Variants in STK39 observed in about 807,000 individuals in gnomAD.
The protein encoded by STK39 is STE20/SPS1-related proline-alanine-rich protein kinase.
STK39 carries 20 observed loss-of-function variants against 77.8 expected under a neutral mutation model. The observed-to-expected ratio is 0.26, with a 90% CI of 0.18 to 0.37. The LOEUF (loss-of-function observed/expected upper bound fraction) is 0.37, where lower values mean the gene tolerates loss of function less well. Ranked by LOEUF, STK39 falls within the 10% of genes least tolerant of loss-of-function variation. STK39 has a pLI of 1.00. For synonymous variants in STK39, 246 were observed against 234.1 expected, an observed-to-expected ratio of 1.05 and a Z score of -0.47; for missense variants, 479 against 656.5, an observed-to-expected ratio of 0.73 and a Z score of 2.95.
chr2:167,978,260 T>C lies in STK39; in HGVS notation c.1499-13534A>G, dbSNP rs116495181. Among the ~76,000 whole-genome samples the C allele has an allele frequency of 9.4e-3, 1,429 of 152,192 alleles. 23 individuals are homozygous for C. The highest frequency in any genetic ancestry group is 0.033 in the African/African-American group (1,356 of 41,518). ...AATATGTTAATCCTACAAAGGCAGA[T>C]TGTTTCCCAGGCAAGAGGTGGTTTT... On this transcript the variant is annotated intron_variant, in intron 16 of 17. Transcript: ENST00000355999.
chr2:168,082,015 G>T (rs576809323), intron 10 of STK39, among the ~76,000 whole-genome samples: 12 of 152,010 alleles, frequency 7.9e-5, no homozygotes, highest in African/African-American at 2.9e-4. Flanking sequence ...TATCAGCAGC[G>T]CAAAAACATA....
rs556911270 is a variant in STK39, at chr2:168,247,170, C to T, written c.208+58G>A. On this transcript the variant is annotated intron_variant, in intron 1 of 17. Transcript: ENST00000355999. ...AGGCTAGCCCAGCATCCCGCGCCCCCTCCCGCCCGGCCTCGGCGCCCGGCC... is the reference window on the plus strand; with the variant it reads ...AGGCTAGCCCAGCATCCCGCGCCCCTTCCCGCCCGGCCTCGGCGCCCGGCC... 188 of 1,120,712 alleles carry T rather than the reference C, an allele frequency of 1.7e-4. 5 individuals carry two copies. The East Asian group carries it at 8.5e-3, about 51-fold the overall frequency. 69.4% of individuals were successfully genotyped at this position (1,120,712 alleles called of 1,614,324 possible). A position where few individuals can be genotyped will look rare whatever the true frequency, so the allele number is the denominator to read the frequency against.
chr2:168,175,380 A>C (rs944842599), intron 2 of STK39, among the ~76,000 whole-genome samples: 10 of 152,218 alleles, frequency 6.6e-5, no homozygotes, highest in African/African-American at 2.4e-4. Flanking sequence ...TATAAGCCCC[A>C]AAACATAAGT....
chr2:167,967,735 T>G (rs1692198269), intron 16 of STK39, among the ~76,000 whole-genome samples: 1 of 152,218 alleles, frequency 6.6e-6, no homozygotes, highest in South Asian at 2.1e-4. Flanking sequence ...TCAGGCATTC[T>G]CCAGACACTG....
intron 8 of STK39, among the ~76,000 whole-genome samples, chr2:168,135,517 G>C (rs556718297): frequency 1.3e-5 from 2 of 152,330 alleles, no homozygotes; most frequent in South Asian, 2.1e-4. Context: ...AGCACAAAAA[G>C]AGGGATAGAA....
chr2:168,123,903 C>T (rs1348025075), intron 10 of STK39, among the ~76,000 whole-genome samples: 1 of 145,784 alleles, frequency 6.9e-6, no homozygotes, highest in Non-Finnish European at 1.5e-5. Context: ...TAAAAACAAA[C>T]AGGACAAGTT....
At chr2:168,039,213 G>A (rs895475218) in intron 14 of STK39, among the ~76,000 whole-genome samples, 1 of 151,994 alleles carries the variant, frequency 6.6e-6, no homozygotes, top group Non-Finnish European at 1.5e-5. Context: ...CAACAAAATA[G>A]ATCTCAAAAT....
chr2:168,029,476 A>C (rs984378492), intron 14 of STK39, among the ~76,000 whole-genome samples: 2 of 152,216 alleles, frequency 1.3e-5, no homozygotes, highest in Non-Finnish European at 2.9e-5. Flanking sequence ...GCAAACGATG[A>C]AAGTTTTTTT....
chr2:168,127,308 G>A (rs1258724069), intron 10 of STK39, among the ~76,000 whole-genome samples: 1 of 151,924 alleles, frequency 6.6e-6, no homozygotes, highest in East Asian at 1.9e-4. Context: ...CTACCACCAC[G>A]CCCAGCTAAT....
intron 1 of STK39, among the ~76,000 whole-genome samples, chr2:168,246,661 G>A (rs1240427432): frequency 1.3e-5 from 2 of 152,194 alleles, no homozygotes; most frequent in Non-Finnish European, 2.9e-5. Context: ...AGGAAGAGAG[G>A]CCAGCATCCT....
chr2:168,011,869 G>T (rs902139688), intron 16 of STK39, among the ~76,000 whole-genome samples: 1 of 152,086 alleles, frequency 6.6e-6, no homozygotes, highest in South Asian at 2.1e-4. Context: ...TGAAAGAACC[G>T]GCCTGAATGA....
intron 14 of STK39, among the ~76,000 whole-genome samples, chr2:168,046,320 C>T (rs1434810701): frequency 2.0e-5 from 3 of 152,160 alleles, no homozygotes; most frequent in Non-Finnish European, 2.9e-5. Flanking sequence ...AAGCCAAGAT[C>T]GTGCCACTGC....
chr2:168,036,775 T>G (rs1559067561), intron 14 of STK39, among the ~76,000 whole-genome samples: 2 of 152,062 alleles, frequency 1.3e-5, no homozygotes, highest in East Asian at 3.9e-4. Context: ...AGAGCAAGGG[T>G]GAGGGTAGGC....
At chr2:168,075,288 G>A (rs1255651304) in intron 10 of STK39, 57 bp from the exon 11 acceptor site, 2 of 1,605,502 alleles carry the variant, frequency 1.2e-6, no homozygotes, top group African/African-American at 1.3e-5. Context: ...CCATTTCACT[G>A]GTGCTGCAAC....
At chr2:168,138,366 A>G (rs1377245174) in intron 7 of STK39, 145 bp from the exon 8 acceptor site, 31 of 1,145,066 alleles carry the variant, frequency 2.7e-5, no homozygotes, top group Non-Finnish European at 3.7e-5. Context: ...GAAATTGTGT[A>G]TTTAAAGTAT....
At chr2:168,233,942 T>A (rs1192435146) in intron 1 of STK39, among the ~76,000 whole-genome samples, 1 of 152,220 alleles carries the variant, frequency 6.6e-6, no homozygotes, top group Non-Finnish European at 1.5e-5. Context: ...GTCAGTAAGA[T>A]AAAAACTTAT....
intron 8 of STK39, among the ~76,000 whole-genome samples, chr2:168,136,220 T>A (rs1276744466): frequency 1.3e-5 from 2 of 151,562 alleles, no homozygotes; most frequent in Admixed American, 6.6e-5. Flanking sequence ...ACAAAAAAAA[T>A]TAGCCTGGCG....
At chr2:168,164,455 G>A (rs941975395) in intron 3 of STK39, among the ~76,000 whole-genome samples, 1 of 152,030 alleles carries the variant, frequency 6.6e-6, no homozygotes, top group African/African-American at 2.4e-5. Flanking sequence ...CATATAAGCT[G>A]GAGTGCAGTG....
intron 17 of STK39, among the ~76,000 whole-genome samples, chr2:167,956,937 T>C (rs888757413): frequency 6.6e-6 from 1 of 152,078 alleles, no homozygotes; most frequent in African/African-American, 2.4e-5. Context: ...TAGTTTCCCA[T>C]GGAAACGTGC....
Sources: allele counts gnomAD v4.1 joint callset (sites outside exome capture counted in the v4.1 genomes callset), GRCh38; gene constraint gnomAD v4.1.1; transcripts MANE v1.5; gene names NCBI Gene and HGNC (gene_info 2026-07-23, HGNC 2026-07-21).